Variants in DSCAML1 observed in about 807,000 individuals in gnomAD.
The protein encoded by DSCAML1 is cell adhesion molecule DSCAML1.
A neutral mutation model predicts 200.5 loss-of-function variants in DSCAML1; 38 were observed. That is an observed-to-expected ratio of 0.19 (90% confidence interval 0.15 to 0.25). DSCAML1 has a LOEUF of 0.25. Among genes scored for constraint, DSCAML1 ranks in the 10% least tolerant of loss-of-function variants. DSCAML1 has a pLI of 1.00. For missense variants in DSCAML1, 2,223 were observed against 2,858.8 expected (o/e 0.78, Z 5.07); for synonymous variants, 1,215 against 1,165.0 (o/e 1.04, Z -0.87).
rs115016545 is a variant in DSCAML1, at chr11:117,703,387, C to T, written c.511+73404G>A. 3.3e-3 allele frequency among the ~76,000 whole-genome samples: 503 copies of T among 152,184 alleles called. 6 individuals are homozygous for T. The highest frequency in any genetic ancestry group is 0.011 in the African/African-American group (475 of 41,508). On this transcript the variant is annotated intron_variant, in intron 3 of 32. Transcript: ENST00000651296. ...AGAGCTGTCTGGTCTCTACCAGGGC[C>T]CCTGCTGGACACCATCTCCCCTTCC... is the stretch of plus-strand genomic sequence containing the variant.
In DSCAML1 at chr11:117,780,867, T is replaced by C. The variant is rs2055244830; in HGVS notation, c.47-57A>G. The C allele has an allele frequency of 6.7e-6, 9 of 1,348,502 alleles. No homozygotes were observed. The highest frequency in any genetic ancestry group is 8.6e-6 in the Non-Finnish European group (9 of 1,043,686). 83.5% of individuals were successfully genotyped at this position (1,348,502 alleles called of 1,614,324 possible). A position where few individuals can be genotyped will look rare whatever the true frequency, so the allele number is the denominator to read the frequency against. ...AGCATGGGCTCTAACAATACCCATA[T>C]AAGCCACGGAGGCTTGCGACAGGCT... On this transcript the variant is annotated intron_variant, in intron 1 of 32. Coordinates refer to ENST00000651296, the MANE Select transcript of DSCAML1 (RefSeq NM_020693.4). The surrounding 1 kb of genome is among the most constrained non-coding windows in gnomAD (Gnocchi z 4.8).
intron 3 of DSCAML1, among the ~76,000 whole-genome samples, chr11:117,749,300 T>TCTG (rs1175891034): frequency 6.6e-6 from 1 of 152,110 alleles, no homozygotes; most frequent in Admixed American, 6.6e-5. Context: ...ACACAAACAA[T>TCTG]CTGCTGCCTG....
intron 3 of DSCAML1, among the ~76,000 whole-genome samples, chr11:117,580,431 T>C (rs911060006): frequency 6.6e-6 from 1 of 152,232 alleles, no homozygotes; most frequent in African/African-American, 2.4e-5. Context: ...CTCTGGTAGG[T>C]ACTTAATCTC....
At position 117,566,728 on chromosome 11, in the gene DSCAML1, C is replaced by G. The variant is rs12790686; in HGVS notation, c.512-34206G>C. ...TATCTCCCAATGCTATCCCTCCCCA[C>G]TCCCCCTACCCCACAACAGTCCCCA... On this transcript the variant is annotated intron_variant, in intron 3 of 32. Coordinates refer to ENST00000651296, the MANE Select transcript of DSCAML1 (RefSeq NM_020693.4). Among the ~76,000 whole-genome samples, 12 of 143,440 alleles carry G rather than the reference C, an allele frequency of 8.4e-5. No individual in the cohort carries two copies. In the East Asian group the frequency reaches 1.2e-3, roughly 15 times the overall value. The allele number at this position is 143,440 out of a possible 152,430, so 94.1% of individuals were successfully genotyped here.
chr11:117,595,059 T>TACACACACACACACACACACACAC (rs374932790), intron 3 of DSCAML1, among the ~76,000 whole-genome samples: 3 of 143,816 alleles, frequency 2.1e-5, no homozygotes, highest in Non-Finnish European at 3.0e-5. Flanking sequence ...GTCTTTCTCT[T>TACACACACACACACACACACACAC]ACACACACAC....
intron 3 of DSCAML1, among the ~76,000 whole-genome samples, chr11:117,714,196 T>C (rs1310973503): frequency 6.6e-6 from 1 of 152,232 alleles, no homozygotes; most frequent in East Asian, 1.9e-4. Flanking sequence ...CCTGTGTTTA[T>C]TTTGGCCTTA....
In DSCAML1 at chr11:117,651,159, G is replaced by C. The variant is rs1445944059; in HGVS notation, c.512-118637C>G. On this transcript the variant is annotated intron_variant, in intron 3 of 32. Coordinates refer to ENST00000651296, the MANE Select transcript of DSCAML1 (RefSeq NM_020693.4). ...CAATCCAGGGCGCTTTGCTCTTACA[G>C]CCTGAAACAGCTGCTGCCTCTGTCC... 2.6e-5 allele frequency among the ~76,000 whole-genome samples: 4 copies of C among 152,386 alleles called. No homozygotes were observed. The East Asian group carries it at 5.8e-4, about 22-fold the overall frequency.
intron 3 of DSCAML1, among the ~76,000 whole-genome samples, chr11:117,636,434 C>T (rs539911596): frequency 1.3e-5 from 2 of 152,302 alleles, no homozygotes; most frequent in South Asian, 4.1e-4. Context: ...ATGAACAAGA[C>T]GTATATTCCT....
At chr11:117,455,206 C>G (rs968615331) in intron 19 of DSCAML1, among the ~76,000 whole-genome samples, 1 of 152,192 alleles carries the variant, frequency 6.6e-6, no homozygotes. Flanking sequence ...CCCAATCCAC[C>G]CTTGCTGGAG....
chr11:117,676,963 A>C (rs1374138746), intron 3 of DSCAML1, among the ~76,000 whole-genome samples: 3 of 152,124 alleles, frequency 2.0e-5, no homozygotes, highest in Non-Finnish European at 4.4e-5. Context: ...GGCCGGGTAG[A>C]GAGCACTGGG....
At chr11:117,493,340 C>G (rs2049224925) in intron 11 of DSCAML1, among the ~76,000 whole-genome samples, 1 of 145,124 alleles carries the variant, frequency 6.9e-6, no homozygotes, top group African/African-American at 2.6e-5. Flanking sequence ...TTTTTTGAGA[C>G]AGAGTCTCGC....
intron 3 of DSCAML1, among the ~76,000 whole-genome samples, chr11:117,593,097 G>A (rs1025717117): frequency 3.2e-4 from 48 of 152,252 alleles, no homozygotes; most frequent in Admixed American, 9.8e-4. Flanking sequence ...GGCTGTCCCT[G>A]TTCCTCACTA....
At chr11:117,805,349 T>G (rs1469004345) in intron 1 of DSCAML1, among the ~76,000 whole-genome samples, 1 of 152,158 alleles carries the variant, frequency 6.6e-6, no homozygotes, top group African/African-American at 2.4e-5. Flanking sequence ...ACAATGACAT[T>G]GAAACCCAGC....
In DSCAML1 at chr11:117,516,488, T is replaced by C. The variant is rs1419510752; in HGVS notation, c.1762A>G (p.Ser588Gly). 1.2e-6 allele frequency: 2 copies of C among 1,613,752 alleles called. No homozygotes were observed. Among genetic ancestry groups the C allele is most frequent in the South Asian group, 2.2e-5 (2 of 91,058 alleles). Residue 588 changes from serine to glycine, a missense_variant, in exon 8 of 33, where the codon AGC (serine) becomes GGC (glycine). Ser to Gly is a moderately conservative substitution (Grantham distance 56, BLOSUM62 0). Transcript: ENST00000651296. This position sits in a 1 kb window ranked among gnomAD's most constrained non-coding sequence, Gnocchi z 5.7. ...LIQPQLSISQ[S>G]VHVAVKVPPL... ...CTACCTTTGACGGCTACGTGAACGCTCTGGCTGATGGAGAGCTGGGGCTGG... is the reference window on the plus strand; with the variant it reads ...CTACCTTTGACGGCTACGTGAACGCCCTGGCTGATGGAGAGCTGGGGCTGG...
At position 117,521,194 on chromosome 11, in the gene DSCAML1, G is replaced by A. The variant is rs1394626897; in HGVS notation, c.1149C>T (p.Ala383=). Reference sequence around the variant, plus strand: ...CCTTGCGGGTAGCGAAGCACTGGTAGGCCCCGGAATGGCTCTTCTGGGCCG... The same window carrying A: ...CCTTGCGGGTAGCGAAGCACTGGTAAGCCCCGGAATGGCTCTTCTGGGCCG... ...ITSAQKSHSG[A]YQCFATRKAQ... The change falls in exon 6 of 33, where the codon GCC becomes GCT. Residue 383 remains alanine (A), a synonymous_variant. Coordinates refer to ENST00000651296, the MANE Select transcript of DSCAML1 (RefSeq NM_020693.4). The A allele has an allele frequency of 1.2e-6, 2 of 1,614,204 alleles. No homozygotes were observed. The highest frequency in any genetic ancestry group is 1.7e-5 in the Admixed American group (1 of 60,032).
intron 3 of DSCAML1, among the ~76,000 whole-genome samples, chr11:117,648,510 G>A (rs1444850062): frequency 2.0e-5 from 3 of 152,250 alleles, no homozygotes; most frequent in Non-Finnish European, 2.9e-5. Context: ...ATTCTAGAAC[G>A]TGGAAGCAGT....
chr11:117,639,694 T>C (rs1033038478), intron 3 of DSCAML1, among the ~76,000 whole-genome samples: 1 of 152,116 alleles, frequency 6.6e-6, no homozygotes, highest in African/African-American at 2.4e-5. Context: ...GTTGCCATTC[T>C]GCCACGGGCT....
At position 117,690,468 on chromosome 11, in the gene DSCAML1, T is replaced by G. The variant is rs140691134; in HGVS notation, c.511+86323A>C. Among the ~76,000 whole-genome samples, 5 of 152,376 alleles carry G rather than the reference T, an allele frequency of 3.3e-5. No homozygotes were observed. The East Asian group carries it at 9.6e-4, about 29-fold the overall frequency. On this transcript the variant is annotated intron_variant, in intron 3 of 32. Coordinates refer to ENST00000651296, the MANE Select transcript of DSCAML1 (RefSeq NM_020693.4). ...CACGGGCCTTTCAACATCAGTCGCA[T>G]TGGATACAGCAGTGGCCACTGTGAT... is the stretch of plus-strand genomic sequence containing the variant.
intron 3 of DSCAML1, among the ~76,000 whole-genome samples, chr11:117,679,738 A>G (rs2053280030): frequency 6.6e-6 from 1 of 152,172 alleles, no homozygotes; most frequent in Non-Finnish European, 1.5e-5. Context: ...GGCCAGAACA[A>G]CAGCAGCAGC....
Sources: allele counts gnomAD v4.1 joint callset (sites outside exome capture counted in the v4.1 genomes callset), GRCh38; gene constraint gnomAD v4.1.1; non-coding constraint Gnocchi (gnomAD v3.1); transcripts MANE v1.5; gene names NCBI Gene and HGNC (gene_info 2026-07-23, HGNC 2026-07-21).